The following HDAC8 variants were observed in gnomAD, a reference collection of about 807,000 sequenced individuals.
HDAC8 encodes histone deacetylase 8.
HDAC8 carries 1 observed loss-of-function variant against 32.2 expected under a neutral mutation model. The ratio of observed to expected loss-of-function variants is 0.03; its 90% confidence interval spans 0.01 to 0.15. The LOEUF (loss-of-function observed/expected upper bound fraction) is 0.15. Among genes scored for constraint, HDAC8 ranks in the 10% least tolerant of loss-of-function variants. HDAC8 has a pLI of 1.00. For missense variants in HDAC8, 117 were observed against 300.0 expected, an observed-to-expected ratio of 0.39 and a Z score of 4.51; for synonymous variants, 108 against 113.9, an observed-to-expected ratio of 0.95 and a Z score of 0.33.
chrX:72,398,803 A>T (rs1239205576), intron 9 of HDAC8, among the ~76,000 whole-genome samples: 2 of 103,420 alleles, frequency 1.9e-5, no homozygotes, highest in African/African-American at 3.5e-5. Flanking sequence ...ATTTTAAGGT[A>T]ATTGAATTTA....
chrX:72,431,253 C>A (rs949483882), intron 9 of HDAC8, among the ~76,000 whole-genome samples: 4 of 112,226 alleles, frequency 3.6e-5, no homozygotes, highest in Admixed American at 9.5e-5. Flanking sequence ...TCTGTCACTA[C>A]TGAAGAAAAC....
intron 9 of HDAC8, among the ~76,000 whole-genome samples, chrX:72,402,777 C>G (rs782021315): frequency 4.5e-5 from 5 of 110,883 alleles, no homozygotes; most frequent in African/African-American, 6.6e-5. Context: ...CTATTTCTTC[C>G]TTTTTCTGTG....
intron 6 of HDAC8, 48 bp from the exon 7 acceptor site, chrX:72,489,089 C>A: frequency 1.1e-6 from 1 of 895,728 alleles, no homozygotes; most frequent in Non-Finnish European, 1.6e-6. Context: ...ACATGAGAAC[C>A]CAGAAAACTT....
intron 4 of HDAC8, among the ~76,000 whole-genome samples, chrX:72,511,974 T>C (rs2049601691): frequency 8.9e-6 from 1 of 112,219 alleles, no homozygotes; most frequent in African/African-American, 3.2e-5. Context: ...TTCATAATAA[T>C]AATATGCACA....
At chrX:72,518,508 G>T (rs2049878579) in intron 4 of HDAC8, among the ~76,000 whole-genome samples, 1 of 111,233 alleles carries the variant, frequency 9.0e-6, no homozygotes, top group Non-Finnish European at 1.9e-5. Flanking sequence ...CTTCTTCCCT[G>T]CACACAGCTT....
chrX:72,461,385 C>T (rs1200568797), intron 9 of HDAC8, among the ~76,000 whole-genome samples: 4 of 111,959 alleles, frequency 3.6e-5, no homozygotes, highest in Non-Finnish European at 7.5e-5. Flanking sequence ...AAAACTAGAA[C>T]AGACATCTTT....
chrX:72,455,438 G>T (rs782504736), intron 9 of HDAC8, among the ~76,000 whole-genome samples: 1 of 111,729 alleles, frequency 9.0e-6, no homozygotes, highest in South Asian at 3.7e-4. Context: ...TGCTATGGTG[G>T]TTGTCTTGAG....
intron 9 of HDAC8, among the ~76,000 whole-genome samples, chrX:72,441,785 G>A (rs1387351953): frequency 2.7e-5 from 3 of 111,379 alleles, no homozygotes; most frequent in Non-Finnish European, 5.7e-5. Flanking sequence ...TAAAAACTTT[G>A]AAAAAAATTT....
intron 8 of HDAC8, among the ~76,000 whole-genome samples, chrX:72,463,112 A>C (rs2047911349): frequency 1.8e-5 from 2 of 111,197 alleles, no homozygotes; most frequent in Non-Finnish European, 3.8e-5. Context: ...GGCTCCCTCT[A>C]CGAATTGTGT....
intron 9 of HDAC8, among the ~76,000 whole-genome samples, chrX:72,377,761 G>A (rs2045127326): frequency 9.0e-6 from 1 of 111,063 alleles, no homozygotes; most frequent in Non-Finnish European, 1.9e-5. Context: ...AAATCCATTT[G>A]ACCAATCTCT....
At position 72,329,621 on chromosome X, in the gene HDAC8, C is replaced by T. The variant is rs1333493130; in HGVS notation, c.*433G>A. On this transcript the variant is annotated 3_prime_UTR_variant, in exon 11 of 11. Transcript: ENST00000373573. The stretch of plus-strand genomic sequence containing the variant: ...GTCTGCTGATCAGTACCCTCTCTCC[C>T]AGGGCTCCACCTGGATGGTCCTGAG... 3 of 1,160,770 alleles carry T rather than the reference C, an allele frequency of 2.6e-6. No homozygotes were observed. Among genetic ancestry groups the T allele is most frequent in the Non-Finnish European group, 3.5e-6 (3 of 866,452 alleles).
chrX:72,519,944 T>C (rs1394117482), intron 4 of HDAC8, among the ~76,000 whole-genome samples: 1 of 112,471 alleles, frequency 8.9e-6, no homozygotes, highest in Non-Finnish European at 1.9e-5. Flanking sequence ...ATTTTGCCCA[T>C]TTTTAAATTG....
intron 10 of HDAC8, among the ~76,000 whole-genome samples, chrX:72,344,487 T>C: frequency 8.9e-6 from 1 of 112,279 alleles, no homozygotes; most frequent in African/African-American, 3.2e-5. Flanking sequence ...TCACTTAACA[T>C]TGTAATCATG....
At chrX:72,475,232 G>A (rs782635016) in intron 7 of HDAC8, among the ~76,000 whole-genome samples, 33 of 112,117 alleles carry the variant, frequency 2.9e-4, no homozygotes, top group Non-Finnish European at 6.0e-4. Flanking sequence ...GAAAAACCAA[G>A]AAGGGTAGGA....
chrX:72,449,023 G>A (rs1411125293), intron 9 of HDAC8, among the ~76,000 whole-genome samples: 1 of 112,103 alleles, frequency 8.9e-6, no homozygotes, highest in African/African-American at 3.2e-5. Flanking sequence ...ATTCCTCAAG[G>A]ATCTAGAACC....
chrX:72,371,456 G>C (rs782082582), intron 9 of HDAC8, among the ~76,000 whole-genome samples: 3 of 111,843 alleles, frequency 2.7e-5, no homozygotes, highest in Non-Finnish European at 5.6e-5. Flanking sequence ...CCAGGAAGGA[G>C]GGCAGGTGTA....
At chrX:72,463,543 A>G (rs956938843) in intron 8 of HDAC8, among the ~76,000 whole-genome samples, 5 of 112,041 alleles carry the variant, frequency 4.5e-5, no homozygotes, top group Non-Finnish European at 7.5e-5. Flanking sequence ...CACCATCCTT[A>G]GTGCTGTCAA....
intron 9 of HDAC8, among the ~76,000 whole-genome samples, chrX:72,369,720 G>T (rs1407679729): frequency 8.9e-6 from 1 of 112,581 alleles, no homozygotes. Context: ...AGCTCTAAAG[G>T]CTGTGCCTAC....
intron 9 of HDAC8, among the ~76,000 whole-genome samples, chrX:72,416,957 A>G (rs1395487420): frequency 9.0e-6 from 1 of 110,983 alleles, no homozygotes; most frequent in Non-Finnish European, 1.9e-5. Context: ...GACCCATGAA[A>G]TGGCCCATCT....
Sources: allele counts gnomAD v4.1 joint callset (sites outside exome capture counted in the v4.1 genomes callset), GRCh38; gene constraint gnomAD v4.1.1; transcripts MANE v1.5; gene names NCBI Gene and HGNC (gene_info 2026-07-23, HGNC 2026-07-21).